Variants in ABHD2 observed in about 807,000 individuals in gnomAD.
The protein encoded by ABHD2 is abhydrolase domain containing 2, acylglycerol lipase.
In ABHD2, 20 loss-of-function variants were observed where a neutral mutation model predicts 48.1. The observed-to-expected ratio is 0.42, with a 90% CI of 0.29 to 0.60. The LOEUF is 0.60. Among genes scored for constraint, ABHD2 ranks in the 20% least tolerant of loss-of-function variants. The pLI, the probability that ABHD2 is intolerant of heterozygous loss-of-function variation, is 0.24. For missense variants in ABHD2, 405 were observed against 550.9 expected (o/e 0.74, Z 2.65); for synonymous variants, 209 against 214.2 (o/e 0.98, Z 0.21).
chr15:89,135,036 C>T (rs1420434239), intron 3 of ABHD2, among the ~76,000 whole-genome samples: 2 of 151,792 alleles, frequency 1.3e-5, no homozygotes, highest in South Asian at 2.1e-4. Context: ...CATTTTAATC[C>T]TTAAAGTCAT....
At chr15:89,107,182 A>C (rs1190639679) in intron 1 of ABHD2, among the ~76,000 whole-genome samples, 1 of 152,184 alleles carries the variant, frequency 6.6e-6, no homozygotes, top group Non-Finnish European at 1.5e-5. Flanking sequence ...CCAGCTGTGC[A>C]CTGCCAAGGA....
intron 3 of ABHD2, among the ~76,000 whole-genome samples, chr15:89,118,744 G>T (rs1444624712): frequency 6.6e-5 from 10 of 152,162 alleles, no homozygotes; most frequent in Non-Finnish European, 2.9e-5. Flanking sequence ...CATCATGTAA[G>T]GTTTGATTCC....
At chr15:89,056,043 G>C in the ABHD2 span, among the ~76,000 whole-genome samples, 1 of 151,848 alleles carries the variant, frequency 6.6e-6, no homozygotes, top group Non-Finnish European at 1.5e-5. Context: ...TGTAGAGACA[G>C]AGTCTGCCTA....
Position 89,097,473 on chromosome 15 carries a change from T to G in ABHD2, c.-107+8910T>G, listed in dbSNP as rs552651991. On this transcript the variant is annotated intron_variant, in intron 1 of 10. Transcript: ENST00000352732. The surrounding 1 kb of genome is among the most constrained non-coding windows in gnomAD (Gnocchi z 4.2). ...GTGTTTTTCTCCTTAAGCTTAATTTTTGTGAGTTAGGATTCAAGTAAGGAT... is the reference window on the plus strand; with the variant it reads ...GTGTTTTTCTCCTTAAGCTTAATTTGTGTGAGTTAGGATTCAAGTAAGGAT... Among the ~76,000 whole-genome samples, 155 of 152,236 alleles carry G rather than the reference T, an allele frequency of 1.0e-3. No homozygotes were observed. The highest frequency in any genetic ancestry group is 1.7e-3 in the Non-Finnish European group (114 of 68,046).
At chr15:89,145,601 C>T (rs1338535764) in intron 3 of ABHD2, among the ~76,000 whole-genome samples, 1 of 152,132 alleles carries the variant, frequency 6.6e-6, no homozygotes, top group East Asian at 1.9e-4. Context: ...GACGTCTGTC[C>T]CCTTCTGGCT....
Position 89,184,747 on chromosome 15 carries a change from G to T in ABHD2, c.723-677G>T, listed in dbSNP as rs1204453398. On this transcript the variant is annotated intron_variant, in intron 6 of 10. Coordinates refer to ENST00000352732, the MANE Select transcript of ABHD2 (RefSeq NM_152924.5). This position sits in a 1 kb window ranked among gnomAD's most constrained non-coding sequence, Gnocchi z 5.1. ...GCCTACTGCCGCCATTGAAGGGTCAGAGTGTGGCCCTCACAGCCACACACT... is the reference window on the plus strand; with the variant it reads ...GCCTACTGCCGCCATTGAAGGGTCATAGTGTGGCCCTCACAGCCACACACT... 6.6e-6 allele frequency among the ~76,000 whole-genome samples: 1 copy of T among 152,174 alleles called. No homozygotes were observed. The highest frequency in any genetic ancestry group is 1.5e-5 in the Non-Finnish European group (1 of 68,032).
At chr15:89,069,099 CT>C in the ABHD2 span, among the ~76,000 whole-genome samples, 27,807 of 142,692 alleles carry the variant, frequency 0.19, 3,642 homozygotes, top group East Asian at 0.35. Context: ...CTGGCAAGCT[CT>C]TTTTTTCTTT....
In ABHD2 at chr15:89,151,820, T is replaced by A. The variant is rs769206929; in HGVS notation, c.338T>A (p.Leu113His). 1.2e-6 allele frequency: 2 copies of A among 1,614,208 alleles called. No individual in the cohort carries two copies. Among genetic ancestry groups the A allele is most frequent in the Non-Finnish European group, 1.7e-6 (2 of 1,180,030 alleles). ...GATGGAGCCACTTCTACATTCGACCTCTTCGAGCCCTTGGCTGAGCACTGT... is the reference window on the plus strand; with the variant it reads ...GATGGAGCCACTTCTACATTCGACCACTTCGAGCCCTTGGCTGAGCACTGT... The part of the protein sequence containing the change: ...MSDGATSTFD[L>H]FEPLAEHCVG... Residue 113 changes from leucine to histidine, a missense_variant, in exon 4 of 11, where the codon CTC (leucine) becomes CAC (histidine). By Grantham distance (99) the Leu-to-His change is moderately conservative. Transcript: ENST00000352732. This position sits in a 1 kb window ranked among gnomAD's most constrained non-coding sequence, Gnocchi z 4.7.
At chr15:89,045,580 C>A in the ABHD2 span, among the ~76,000 whole-genome samples, 2 of 152,254 alleles carry the variant, frequency 1.3e-5, no homozygotes, top group Admixed American at 1.3e-4. Flanking sequence ...TTTCCTTGAG[C>A]AGTGGTTTGT....
At chr15:89,042,928 A>C in the ABHD2 span, among the ~76,000 whole-genome samples, 1 of 152,088 alleles carries the variant, frequency 6.6e-6, no homozygotes, top group Non-Finnish European at 1.5e-5. Flanking sequence ...TCAACTTCCC[A>C]AAGTGCTGGT....
chr15:89,044,492 A>G, the ABHD2 span, among the ~76,000 whole-genome samples: 1 of 152,038 alleles, frequency 6.6e-6, no homozygotes, highest in African/African-American at 2.4e-5. Context: ...GAATTCCACA[A>G]TGGTTGAACT....
At chr15:89,090,669 G>A (rs891721936) in intron 1 of ABHD2, among the ~76,000 whole-genome samples, 31 of 152,168 alleles carry the variant, frequency 2.0e-4, no homozygotes, top group Non-Finnish European at 3.7e-4. Context: ...TAAAATTATC[G>A]TTAAAAGCAG....
rs921862571 is a variant in ABHD2 at position 89,175,184 on chromosome 15, C to T, written c.539-628C>T. ...GCATCCCAATTTGTAGCCTAGGAAG[C>T]TAATCTCAAAGGATTTTGCTCTTGC... On this transcript the variant is annotated intron_variant, in intron 5 of 10. Transcript: ENST00000352732. This position sits in a 1 kb window ranked among gnomAD's most constrained non-coding sequence, Gnocchi z 5.7. Among the ~76,000 whole-genome samples the T allele has an allele frequency of 1.1e-4, 16 of 152,208 alleles. No individual in the cohort carries two copies. The highest frequency in any genetic ancestry group is 3.9e-4 in the African/African-American group (16 of 41,446).
chr15:89,126,115 A>G (rs751532662), intron 3 of ABHD2, among the ~76,000 whole-genome samples: 2 of 152,170 alleles, frequency 1.3e-5, no homozygotes, highest in Non-Finnish European at 2.9e-5. Context: ...TCAGGGCCCT[A>G]CTATGTCTCC....
Position 89,185,546 on chromosome 15 carries a change from A to G in ABHD2, c.815+30A>G, listed in dbSNP as rs751759512. On this transcript the variant is annotated intron_variant, in intron 7 of 10. Transcript: ENST00000352732. This position sits in a 1 kb window ranked among gnomAD's most constrained non-coding sequence, Gnocchi z 5.9. ...GTCACCTTCCGTTCTCTCTCAGGAG[A>G]CAGACAGTTCCTTCCTGAGCTCATC... 106 of 1,587,148 alleles carry G rather than the reference A, an allele frequency of 6.7e-5. No individual in the cohort carries two copies. Among genetic ancestry groups the G allele is most frequent in the Non-Finnish European group, 8.7e-7 (1 of 1,155,660 alleles).
At chr15:89,093,150 C>T in intron 1 of ABHD2, among the ~76,000 whole-genome samples, 1 of 148,214 alleles carries the variant, frequency 6.7e-6, no homozygotes, top group East Asian at 2.0e-4. Context: ...CCCCAAGTCA[C>T]ATTTCCAGCA....
At chr15:89,071,554 A>C in the ABHD2 span, among the ~76,000 whole-genome samples, 31,772 of 152,072 alleles carry the variant, frequency 0.21, 4,193 homozygotes, top group African/African-American at 0.36. Flanking sequence ...TTTCACTTAA[A>C]ACCCTCCCCT....
chr15:89,200,720 T>C lies in ABHD2; in HGVS notation c.*5297T>C, dbSNP rs1484893065. The C allele has an allele frequency of 4.4e-6, 1 of 229,010 alleles. No individual in the cohort carries two copies. Among genetic ancestry groups the C allele is most frequent in the Non-Finnish European group, 9.0e-6 (1 of 111,374 alleles). 14.2% of individuals were successfully genotyped at this position (229,010 alleles called of 1,614,324 possible). A position where few individuals can be genotyped will look rare whatever the true frequency, so the allele number is the denominator to read the frequency against. On this transcript the variant is annotated 3_prime_UTR_variant, in exon 11 of 11. Coordinates refer to ENST00000352732, the MANE Select transcript of ABHD2 (RefSeq NM_152924.5). The stretch of plus-strand genomic sequence containing the variant: ...TGAAATGGTAGGTAAACAAATCTTC[T>C]GGTCAAGAGAAAAAAAAAAGAAATA...
At chr15:89,080,154 T>A in the ABHD2 span, among the ~76,000 whole-genome samples, 1 of 152,158 alleles carries the variant, frequency 6.6e-6, no homozygotes, top group Non-Finnish European at 1.5e-5. Flanking sequence ...ACTCTGCTCA[T>A]AAAGCCGGAT....
Sources: allele counts gnomAD v4.1 joint callset (sites outside exome capture counted in the v4.1 genomes callset), GRCh38; gene constraint gnomAD v4.1.1; non-coding constraint Gnocchi (gnomAD v3.1); transcripts MANE v1.5; gene names NCBI Gene and HGNC (gene_info 2026-07-23, HGNC 2026-07-21).